The following LSAMP variants were observed in gnomAD, a reference collection of about 807,000 sequenced individuals.
LSAMP encodes limbic system-associated membrane protein.
A neutral mutation model predicts 38.6 loss-of-function variants in LSAMP; 7 were observed. The ratio of observed to expected loss-of-function variants is 0.18; its 90% CI spans 0.10 to 0.34. The LOEUF is 0.34. LSAMP is among the 10% of genes least tolerant of loss of function. LSAMP has a pLI of 1.00. For missense variants in LSAMP, 313 were observed against 420.0 expected, an observed-to-expected ratio of 0.75 and a Z score of 2.23; for synonymous variants, 154 against 166.8, an observed-to-expected ratio of 0.92 and a Z score of 0.59.
intron 1 of LSAMP, among the ~76,000 whole-genome samples, chr3:116,428,825 T>A (rs902865759): frequency 6.6e-6 from 1 of 152,228 alleles, no homozygotes; most frequent in African/African-American, 2.4e-5. Context: ...GCCCCATTTT[T>A]ATTTTAATAT....
intron 6 of LSAMP, among the ~76,000 whole-genome samples, chr3:115,834,839 A>G (rs538591083): frequency 3.9e-5 from 6 of 152,258 alleles, no homozygotes; most frequent in African/African-American, 1.4e-4. Flanking sequence ...ACAACATCAG[A>G]TTGTGATAAC....
intron 1 of LSAMP, among the ~76,000 whole-genome samples, chr3:116,223,056 A>G (rs1459843752): frequency 6.6e-6 from 1 of 151,038 alleles, no homozygotes; most frequent in African/African-American, 2.4e-5. Flanking sequence ...CATAAACTGC[A>G]CAAAGGGTGT....
chr3:115,862,061 A>G (rs1222695828), intron 3 of LSAMP, among the ~76,000 whole-genome samples: 1 of 152,200 alleles, frequency 6.6e-6, no homozygotes, highest in Non-Finnish European at 1.5e-5. Context: ...GCAGATGTTA[A>G]TTGTTTTTTA....
chr3:115,904,830 C>G (rs925740093), intron 3 of LSAMP, among the ~76,000 whole-genome samples: 1 of 152,198 alleles, frequency 6.6e-6, no homozygotes, highest in Middle Eastern at 3.4e-3. Flanking sequence ...TAAAAGATGC[C>G]TCTGATTTTT....
Position 115,877,260 on chromosome 3 carries a change from T to A in LSAMP, c.515-24643A>T, listed in dbSNP as rs190653505. 3.3e-5 allele frequency among the ~76,000 whole-genome samples: 5 copies of A among 152,158 alleles called. No homozygotes were observed. The East Asian group carries it at 9.7e-4, about 30-fold the overall frequency. ...TCACAACACAAAGCTCCCTGTTTTT[T>A]TTTTCTCCTTCCTGCCTCCTTCCTC... On this transcript the variant is annotated intron_variant, in intron 3 of 6. Transcript: ENST00000490035.
At chr3:115,839,933 TA>T (rs558437787) in intron 6 of LSAMP, among the ~76,000 whole-genome samples, 1 of 152,238 alleles carries the variant, frequency 6.6e-6, no homozygotes, top group Non-Finnish European at 1.5e-5. Context: ...TTAAGTCCTT[TA>T]AATGGACTTC....
intron 1 of LSAMP, among the ~76,000 whole-genome samples, chr3:116,371,605 T>C (rs74923487): frequency 0.03 from 4,556 of 152,138 alleles, 93 homozygotes; most frequent in South Asian, 0.083. Flanking sequence ...GACTGAAAAC[T>C]TTTCCTCTCA....
At chr3:116,326,381 C>T (rs1221881477) in intron 1 of LSAMP, among the ~76,000 whole-genome samples, 1 of 152,016 alleles carries the variant, frequency 6.6e-6, no homozygotes, top group African/African-American at 2.4e-5. Flanking sequence ...TAAGATTCAC[C>T]AGATCTGATT....
chr3:116,321,210 A>C (rs1312153263), intron 1 of LSAMP, among the ~76,000 whole-genome samples: 3 of 151,988 alleles, frequency 2.0e-5, no homozygotes, highest in Non-Finnish European at 4.4e-5. Context: ...CTCTACCAAA[A>C]ATTTGTCTTA....
At chr3:116,022,031 T>C (rs1215892122) in intron 2 of LSAMP, among the ~76,000 whole-genome samples, 1 of 152,176 alleles carries the variant, frequency 6.6e-6, no homozygotes, top group African/African-American at 2.4e-5. Context: ...AGACTGGAGA[T>C]ACAGAAAGTG....
chr3:116,219,365 A>G (rs1445939320), intron 1 of LSAMP, among the ~76,000 whole-genome samples: 1 of 152,218 alleles, frequency 6.6e-6, no homozygotes, highest in Non-Finnish European at 1.5e-5. Flanking sequence ...ATGGACATTT[A>G]GTTTGTTTCT....
chr3:115,833,740 C>T (rs941247089), intron 6 of LSAMP, among the ~76,000 whole-genome samples: 3 of 151,286 alleles, frequency 2.0e-5, no homozygotes, highest in South Asian at 2.1e-4. Context: ...CGCCAGGTCC[C>T]GCATGGCCTA....
chr3:116,309,162 C>A (rs531134949), intron 1 of LSAMP, among the ~76,000 whole-genome samples: 1 of 152,024 alleles, frequency 6.6e-6, no homozygotes, highest in Non-Finnish European at 1.5e-5. Context: ...TATAAAGCAT[C>A]AATTAGCAAT....
At chr3:116,412,548 G>GAATT (rs1483811083) in intron 1 of LSAMP, among the ~76,000 whole-genome samples, 3 of 152,022 alleles carry the variant, frequency 2.0e-5, no homozygotes, top group African/African-American at 7.2e-5. Flanking sequence ...TACCAAGCAA[G>GAATT]AATTAAACAA....
At chr3:115,999,958 A>G (rs1490130722) in intron 3 of LSAMP, among the ~76,000 whole-genome samples, 1 of 152,032 alleles carries the variant, frequency 6.6e-6, no homozygotes, top group Non-Finnish European at 1.5e-5. Context: ...CTCCCCAGCA[A>G]CTCAAACTGG....
chr3:116,410,386 C>T (rs1208690198), intron 1 of LSAMP, among the ~76,000 whole-genome samples: 1 of 152,014 alleles, frequency 6.6e-6, no homozygotes, highest in Non-Finnish European at 1.5e-5. Context: ...AAGGACACTG[C>T]ACAGCAGAAG....
chr3:116,401,077 G>A (rs982778093), intron 1 of LSAMP, among the ~76,000 whole-genome samples: 12 of 152,126 alleles, frequency 7.9e-5, no homozygotes, highest in Admixed American at 1.3e-4. Flanking sequence ...GTAAACCCTG[G>A]CCTCCAGGAC....
intron 1 of LSAMP, among the ~76,000 whole-genome samples, chr3:116,094,092 A>G (rs1036546838): frequency 2.0e-5 from 3 of 152,202 alleles, no homozygotes; most frequent in African/African-American, 7.2e-5. Context: ...ACAACTATGC[A>G]AACACATCAA....
At chr3:115,871,612 T>C (rs1936037690) in intron 3 of LSAMP, among the ~76,000 whole-genome samples, 1 of 143,316 alleles carries the variant, frequency 7.0e-6, no homozygotes, top group Non-Finnish European at 1.5e-5. Flanking sequence ...TGTGTGTGTG[T>C]GTGTGTAAGA....
Sources: gnomAD v4.1 joint callset for allele counts (sites outside exome capture counted in the v4.1 genomes callset) on GRCh38, gnomAD v4.1.1 for gene constraint, MANE v1.5 for transcripts, NCBI Gene and HGNC (gene_info 2026-07-23, HGNC 2026-07-21) for gene names.